The following ADGRB3 variants were observed in gnomAD, a reference collection of about 807,000 sequenced individuals.
ADGRB3 encodes adhesion G protein-coupled receptor B3, also known as brain-specific angiogenesis inhibitor 3.
Under a neutral mutation model 193.4 loss-of-function variants are expected in ADGRB3, and 37 were observed. The observed-to-expected ratio is 0.19, with a 90% CI of 0.15 to 0.25. The LOEUF is 0.25. Among genes scored for constraint, ADGRB3 ranks in the 10% least tolerant of loss-of-function variants. ADGRB3 has a pLI of 1.00. For missense variants in ADGRB3, 1,637 were observed against 1,852.9 expected, an observed-to-expected ratio of 0.88 and a Z score of 2.14; for synonymous variants, 690 against 644.2, an observed-to-expected ratio of 1.07 and a Z score of -1.08.
intron 17 of ADGRB3, 109 bp downstream of exon 17, chr6:69,076,147 A>G (rs1772223304): frequency 2.3e-6 from 2 of 882,156 alleles, no homozygotes; most frequent in African/African-American, 2.0e-5. Flanking sequence ...GGGATGTTGC[A>G]TTCAGAGAAA....
At chr6:68,694,948 T>C (rs1488154012) in intron 3 of ADGRB3, among the ~76,000 whole-genome samples, 1 of 152,050 alleles carries the variant, frequency 6.6e-6, no homozygotes, top group African/African-American at 2.4e-5. Flanking sequence ...CATCCTTTTC[T>C]GTATTGGGCC....
chr6:69,133,805 C>T (rs1334815879), intron 17 of ADGRB3, among the ~76,000 whole-genome samples: 1 of 151,604 alleles, frequency 6.6e-6, no homozygotes, highest in Non-Finnish European at 1.5e-5. Flanking sequence ...GTGTACTGTA[C>T]CCAATATGTG....
At chr6:68,964,134 A>G (rs1485209115) in intron 8 of ADGRB3, among the ~76,000 whole-genome samples, 4 of 152,206 alleles carry the variant, frequency 2.6e-5, no homozygotes, top group Non-Finnish European at 4.4e-5. Context: ...GAACATTTCT[A>G]TCACATATAT....
At chr6:69,190,927 G>A (rs1277318661) in intron 17 of ADGRB3, among the ~76,000 whole-genome samples, 2 of 143,662 alleles carry the variant, frequency 1.4e-5, no homozygotes, top group Non-Finnish European at 3.0e-5. Context: ...CCATATAGGT[G>A]TGTAGTAGGC....
intron 3 of ADGRB3, among the ~76,000 whole-genome samples, chr6:68,794,537 C>T (rs1454610200): frequency 1.3e-5 from 2 of 152,002 alleles, no homozygotes; most frequent in Non-Finnish European, 2.9e-5. Context: ...ACTTTATATG[C>T]CTACCTAGTT....
At chr6:68,731,571 C>T (rs957811865) in intron 3 of ADGRB3, among the ~76,000 whole-genome samples, 2 of 151,290 alleles carry the variant, frequency 1.3e-5, no homozygotes, top group African/African-American at 4.8e-5. Flanking sequence ...GTTTTTTTCA[C>T]TTTTTAATAA....
chr6:68,682,606 A>C (rs566487607), intron 3 of ADGRB3, among the ~76,000 whole-genome samples: 7 of 152,330 alleles, frequency 4.6e-5, no homozygotes, highest in Admixed American at 2.0e-4. Context: ...TTATCAGACT[A>C]TGCTGTTAGC....
intron 3 of ADGRB3, among the ~76,000 whole-genome samples, chr6:68,685,749 C>T (rs1057445666): frequency 5.9e-5 from 9 of 151,860 alleles, no homozygotes; most frequent in Admixed American, 5.3e-4. Context: ...AAAAATTAGC[C>T]GGGCATGGTG....
At chr6:68,793,324 A>G (rs17199089) in intron 3 of ADGRB3, among the ~76,000 whole-genome samples, 4 of 152,060 alleles carry the variant, frequency 2.6e-5, no homozygotes, top group Non-Finnish European at 2.9e-5. Flanking sequence ...TTGTCCATGT[A>G]CTCAATGCTT....
intron 17 of ADGRB3, among the ~76,000 whole-genome samples, chr6:69,127,122 C>T (rs1035062804): frequency 6.6e-6 from 1 of 152,118 alleles, no homozygotes; most frequent in African/African-American, 2.4e-5. Flanking sequence ...AACATGTCTC[C>T]CTATCACACT....
chr6:68,854,387 A>G (rs1764897833), intron 3 of ADGRB3, among the ~76,000 whole-genome samples: 1 of 152,166 alleles, frequency 6.6e-6, no homozygotes, highest in Admixed American at 6.5e-5. Context: ...AGGTGGATGT[A>G]TTCTCGCCAC....
intron 17 of ADGRB3, among the ~76,000 whole-genome samples, chr6:69,204,374 A>C (rs1297130205): frequency 1.3e-5 from 2 of 152,216 alleles, no homozygotes; most frequent in East Asian, 3.9e-4. Context: ...CTGAATAACC[A>C]TACAACATTG....
chr6:69,269,903 A>G (rs1767135997), intron 20 of ADGRB3, among the ~76,000 whole-genome samples: 1 of 152,208 alleles, frequency 6.6e-6, no homozygotes, highest in Non-Finnish European at 1.5e-5. Context: ...ATCAAATATT[A>G]CAAACATTTG....
At chr6:68,988,178 G>T (rs999551464) in intron 10 of ADGRB3, among the ~76,000 whole-genome samples, 2 of 152,088 alleles carry the variant, frequency 1.3e-5, no homozygotes, top group Non-Finnish European at 2.9e-5. Flanking sequence ...GAAACTACAG[G>T]CTCTTTAGGA....
intron 17 of ADGRB3, among the ~76,000 whole-genome samples, chr6:69,125,857 T>A (rs749560771): frequency 6.6e-6 from 1 of 152,198 alleles, no homozygotes; most frequent in Non-Finnish European, 1.5e-5. Context: ...CTTTCAGCCA[T>A]TTCCATCCAT....
chr6:69,377,687 T>G (rs1394792714), intron 30 of ADGRB3, among the ~76,000 whole-genome samples: 1 of 152,080 alleles, frequency 6.6e-6, no homozygotes, highest in African/African-American at 2.4e-5. Context: ...ATTCTCCAAC[T>G]TTCTCTAACA....
chr6:68,966,698 T>C (rs1237045386), intron 8 of ADGRB3, among the ~76,000 whole-genome samples: 1 of 152,212 alleles, frequency 6.6e-6, no homozygotes, highest in Non-Finnish European at 1.5e-5. Flanking sequence ...TCCTGTGTAC[T>C]GTAATTCCTC....
chr6:69,138,184 GAAGAAAAAAATTTTGGAGACT>G (rs1326576161), intron 17 of ADGRB3, among the ~76,000 whole-genome samples: 2 of 152,170 alleles, frequency 1.3e-5, no homozygotes, highest in African/African-American at 4.8e-5. Context: ...TTCCCAGGAA[GAAGAAAAAAATTTTGGAGACT>G]AGCTGGCAGT....
intron 20 of ADGRB3, among the ~76,000 whole-genome samples, chr6:69,293,197 AT>A (rs968882537): frequency 2.0e-5 from 3 of 151,656 alleles, no homozygotes; most frequent in Non-Finnish European, 4.4e-5. Context: ...AGTATTTTCG[AT>A]TTTTTTTTCT....
Sources: gnomAD v4.1 joint callset for allele counts (sites outside exome capture counted in the v4.1 genomes callset) on GRCh38, gnomAD v4.1.1 for gene constraint, MANE v1.5 for transcripts, NCBI Gene and HGNC (gene_info 2026-07-23, HGNC 2026-07-21) for gene names.